The following FTH1 variants were observed in gnomAD, a reference collection of about 807,000 sequenced individuals.
The protein encoded by FTH1 is ferritin heavy chain.
In FTH1, 3 loss-of-function variants were observed where a neutral mutation model predicts 21.8. The observed-to-expected ratio is 0.14, with a 90% CI of 0.06 to 0.36. The LOEUF (loss-of-function observed/expected upper bound fraction) is 0.36, where lower values mean the gene tolerates loss of function less well. Among genes scored for constraint, FTH1 ranks in the 10% least tolerant of loss-of-function variants. The pLI, the probability that FTH1 is intolerant of heterozygous loss-of-function variation, is 1.00. For synonymous variants in FTH1, 83 were observed against 90.1 expected, an observed-to-expected ratio of 0.92 and a Z score of 0.45; for missense variants, 147 against 225.8, an observed-to-expected ratio of 0.65 and a Z score of 2.24.
At chr11:61,965,776 T>C (rs1006037255) in intron 1 of FTH1, among the ~76,000 whole-genome samples, 3 of 152,202 alleles carry the variant, frequency 2.0e-5, no homozygotes, top group African/African-American at 7.2e-5. Context: ...ATTATGGGCA[T>C]TGCCTGGGGC....
intron 1 of FTH1, 21 bp downstream of exon 1, chr11:61,967,291 C>T: frequency 6.5e-7 from 1 of 1,537,070 alleles, no homozygotes; most frequent in Non-Finnish European, 8.8e-7. Context: ...CCCGCCACCG[C>T]TTAGGCCCGC....
intron 1 of FTH1, chr11:61,967,097 T>C (rs1942477245): frequency 2.6e-6 from 1 of 389,298 alleles, no homozygotes; most frequent in South Asian, 5.0e-5. Flanking sequence ...GGCCCTGGCC[T>C]AGGAGGGAGC....
In FTH1 at chr11:61,964,463, CTTTTT is replaced by C; in HGVS notation, c.*259_*263del. ...GTTTAATAAATACAAATACTCGTTT[CTTTTT>C]GATTAGTGTGATTAGAACTGAACAA... On this transcript the variant is annotated 3_prime_UTR_variant, in exon 4 of 4. Coordinates refer to ENST00000273550, the MANE Select transcript of FTH1 (RefSeq NM_002032.3). 1 of 614,934 alleles carries C rather than the reference CTTTTT, an allele frequency of 1.6e-6. No homozygotes were observed. Among genetic ancestry groups the C allele is most frequent in the South Asian group, 2.0e-5 (1 of 49,726 alleles). 38.1% of individuals were successfully genotyped at this position (614,934 alleles called of 1,614,324 possible).
Position 61,967,342 on chromosome 11 carries a change from C to G in FTH1, c.84G>C (p.Glu28Asp). 1 of 1,606,114 alleles carries G rather than the reference C, an allele frequency of 6.2e-7. No homozygotes were observed. Among genetic ancestry groups the G allele is most frequent in the Non-Finnish European group, 8.5e-7 (1 of 1,176,272 alleles). Residue 28 changes from glutamate to aspartate, a missense_variant, in exon 1 of 4, where the codon GAG (glutamate) becomes GAC (aspartate). Glu to Asp is a conservative substitution (Grantham distance 45). Coordinates refer to ENST00000273550, the MANE Select transcript of FTH1 (RefSeq NM_002032.3). ...ACAGGTAAACGTAGGAGGCGTAGAGCTCCAGGTTGATCTGGCGGTTGATGG... is the reference window on the plus strand; with the variant it reads ...ACAGGTAAACGTAGGAGGCGTAGAGGTCCAGGTTGATCTGGCGGTTGATGG... The part of the protein sequence containing the change: ...EAAINRQINL[E>D]LYASYVYLSM...
rs1942382943 is a variant in FTH1 at position 61,964,390 on chromosome 11, A to G, written c.*337T>C. 1 of 671,516 alleles carries G rather than the reference A, an allele frequency of 1.5e-6. No individual in the cohort carries two copies. The highest frequency in any genetic ancestry group is 1.8e-5 in the African/African-American group (1 of 55,230). The allele number at this position is 671,516 out of a possible 1,614,324, so 41.6% of individuals were successfully genotyped here. A position where few individuals can be genotyped will look rare whatever the true frequency, so the allele number is the denominator to read the frequency against. On this transcript the variant is annotated 3_prime_UTR_variant, in exon 4 of 4. Transcript: ENST00000273550. ...TTCAGAGTCGGGAACCCTTAGTTCT[A>G]TCTGAATCCAAGACAGCCACACCTT...
chr11:61,965,753 G>A (rs1476654199), intron 1 of FTH1, among the ~76,000 whole-genome samples: 1 of 152,152 alleles, frequency 6.6e-6, no homozygotes, highest in African/African-American at 2.4e-5. Flanking sequence ...TAACTTCAAG[G>A]AACCTTTAGG....
intron 3 of FTH1, 34 bp from the exon 4 acceptor site, chr11:61,964,925 G>A: frequency 6.2e-7 from 1 of 1,613,538 alleles, no homozygotes; most frequent in Non-Finnish European, 8.5e-7. Context: ...TTAGTGGGCA[G>A]CTTTCCCAAT....
In FTH1 at chr11:61,965,063, G is replaced by GCA. The variant is rs1204171106; in HGVS notation, c.309_310dup (p.Ala104ValfsTer9). The GCA allele has an allele frequency of 1.2e-6, 2 of 1,610,744 alleles. No individual in the cohort carries two copies. ...ATTCACATTTTTTTCCAAATGTAATGCACACTCCATTGCATTCAGCCCGCT... is the reference window on the plus strand; with the variant it reads ...ATTCACATTTTTTTCCAAATGTAATGCACACACTCCATTGCATTCAGCCCGCT... On this transcript the variant is annotated frameshift_variant, in exon 3 of 4. Coordinates refer to ENST00000273550, the MANE Select transcript of FTH1 (RefSeq NM_002032.3). LOFTEE classifies it high-confidence loss of function.
chr11:61,966,209 G>A (rs373208298), intron 1 of FTH1, among the ~76,000 whole-genome samples: 32 of 152,302 alleles, frequency 2.1e-4, no homozygotes, highest in African/African-American at 6.5e-4. Flanking sequence ...AGGAGGCGGA[G>A]GCTGCAGTGA....
rs1942401238 is a variant in FTH1, at chr11:61,964,761, T to C, written c.518A>G (p.Lys173Arg). The C allele has an allele frequency of 6.3e-7, 1 of 1,599,436 alleles. No individual in the cohort carries two copies. The highest frequency in any genetic ancestry group is 8.5e-7 in the Non-Finnish European group (1 of 1,179,918). Residue 173 changes from lysine (K) to arginine (R), a missense_variant, in exon 4 of 4, where the codon AAG becomes AGG. Physicochemically the swap from Lys to Arg is conservative, Grantham distance 26. Transcript: ENST00000273550. Reference protein sequence around the residue: ...ESGLAEYLFDKHTLGDSDNES With the variant: ...ESGLAEYLFDRHTLGDSDNES ...ATTATCACTGTCTCCCAGGGTGTGC[T>C]TGTCAAAGAGATATTCCGCCAAGCC...
rs1218940107 is a variant in FTH1 at position 61,967,633 on chromosome 11, GC to G, written c.-209del. ...GACGACTCTCGGCGAAGAACGTCTG[GC>G]CCTGCGGGTCGCTTGTGGTCTCTTA... is the stretch of plus-strand genomic sequence containing the variant. On this transcript the variant is annotated 5_prime_UTR_variant, in exon 1 of 4. Coordinates refer to ENST00000273550, the MANE Select transcript of FTH1 (RefSeq NM_002032.3). 5.1e-6 allele frequency: 3 copies of G among 589,994 alleles called. No individual in the cohort carries two copies. Among genetic ancestry groups the G allele is most frequent in the Non-Finnish European group, 9.4e-6 (3 of 318,790 alleles). The allele number at this position is 589,994 out of a possible 1,614,324, so 36.5% of individuals were successfully genotyped here.
chr11:61,964,571 C>A lies in FTH1; in HGVS notation c.*156G>T. The A allele has an allele frequency of 1.2e-6, 1 of 868,192 alleles. No individual in the cohort carries two copies. The highest frequency in any genetic ancestry group is 1.8e-6 in the Non-Finnish European group (1 of 551,694). The allele number at this position is 868,192 out of a possible 1,614,324, so 53.8% of individuals were successfully genotyped here. ...AGACCTCAAAGACAACACCTGGGTA[C>A]CAAATTTCTTTATTTGAAGGAATGG... On this transcript the variant is annotated 3_prime_UTR_variant, in exon 4 of 4. Transcript: ENST00000273550.
At position 61,967,474 on chromosome 11, in the gene FTH1, TGGAGCGGCGGC is replaced by T; in HGVS notation, c.-60_-50del. On this transcript the variant is annotated 5_prime_UTR_variant, in exon 1 of 4. Coordinates refer to ENST00000273550, the MANE Select transcript of FTH1 (RefSeq NM_002032.3). Reference sequence around the variant, plus strand: ...GGCGGCGGCGGTGGCTGCGCGGCGCTGGAGCGGCGGCGGGGGCCTTGGGGCAGTCCGAGGGT... The same window carrying T: ...GGCGGCGGCGGTGGCTGCGCGGCGCTGGGGGCCTTGGGGCAGTCCGAGGGT... The T allele has an allele frequency of 2.3e-6, 3 of 1,329,200 alleles. No individual in the cohort carries two copies. Among genetic ancestry groups the T allele is most frequent in the African/African-American group, 2.9e-5 (2 of 68,800 alleles). The allele number at this position is 1,329,200 out of a possible 1,614,324, so 82.3% of individuals were successfully genotyped here.
chr11:61,967,091 C>G, intron 1 of FTH1: 1 of 370,202 alleles, frequency 2.7e-6, no homozygotes, highest in South Asian at 6.1e-5. Flanking sequence ...AGAGGCGGCC[C>G]TGGCCTAGGA....
chr11:61,965,006 G>A lies in FTH1; in HGVS notation c.368C>T (p.Thr123Ile), dbSNP rs1942418121. The A allele has an allele frequency of 1.2e-6, 2 of 1,614,004 alleles. No homozygotes were observed. Among genetic ancestry groups the A allele is most frequent in the Non-Finnish European group, 1.7e-6 (2 of 1,180,040 alleles). Residue 123 changes from threonine (T) to isoleucine (I), a missense_variant, in exon 3 of 4, where the codon ACT (threonine) becomes ATT (isoleucine). Coordinates refer to ENST00000273550, the MANE Select transcript of FTH1 (RefSeq NM_002032.3). Reference protein sequence around the residue: ...QSLLELHKLATDKNDPHLCDF... With the variant: ...QSLLELHKLAIDKNDPHLCDF... ...ACTCACATGGGGGTCATTTTTGTCA[G>A]TGGCCAGTTTGTGCAGTTCCAGTAG...
rs1942385781 is a variant in FTH1, at chr11:61,964,431, CTAA to C, written c.*293_*295del. The C allele has an allele frequency of 1.6e-6, 1 of 617,496 alleles. No individual in the cohort carries two copies. The highest frequency in any genetic ancestry group is 2.8e-6 in the Non-Finnish European group (1 of 356,632). The allele number at this position is 617,496 out of a possible 1,614,324, so 38.3% of individuals were successfully genotyped here. A position where few individuals can be genotyped will look rare whatever the true frequency, so the allele number is the denominator to read the frequency against. On this transcript the variant is annotated 3_prime_UTR_variant, in exon 4 of 4. Coordinates refer to ENST00000273550, the MANE Select transcript of FTH1 (RefSeq NM_002032.3). ...GCCACACCTTAGTATACTGCCCAAA[CTAA>C]TGAGTTTAATAAATACAAATACTCG... is the stretch of plus-strand genomic sequence containing the variant.
At position 61,964,894 on chromosome 11, in the gene FTH1, G is replaced by T; in HGVS notation, c.388-3C>A. 6.2e-7 allele frequency: 1 copy of T among 1,610,266 alleles called. No homozygotes were observed. ...TGTGTCTCAATGAAGTCACACAACT[G>T]CAAAACAATGGGGAAGACAGTTAGT... On this transcript the variant is annotated splice_polypyrimidine_tract_variant and splice_region_variant and intron_variant, in intron 3 of 3. Transcript: ENST00000273550.
intron 2 of FTH1, 72 bp downstream of exon 2, chr11:61,965,297 A>T (rs1050040842): frequency 7.9e-5 from 126 of 1,602,602 alleles, no homozygotes; most frequent in Non-Finnish European, 1.0e-4. Context: ...GGCAATTGCT[A>T]GTTTAAGTGA....
chr11:61,966,686 TC>T (rs1942468624), intron 1 of FTH1, among the ~76,000 whole-genome samples: 1 of 152,024 alleles, frequency 6.6e-6, no homozygotes. Flanking sequence ...ATAAATTAGG[TC>T]CCCTAGGCGC....
Sources: allele counts gnomAD v4.1 joint callset (sites outside exome capture counted in the v4.1 genomes callset), GRCh38; gene constraint gnomAD v4.1.1; transcripts MANE v1.5; gene names NCBI Gene and HGNC (gene_info 2026-07-23, HGNC 2026-07-21).